The following CALN1 variants were observed in gnomAD, a reference collection of about 807,000 sequenced individuals.
CALN1 encodes the protein calcium-binding protein 8.
A neutral mutation model predicts 30.6 loss-of-function variants in CALN1; 17 were observed. The observed-to-expected ratio is 0.56, with a 90% confidence interval of 0.38 to 0.83. The LOEUF (loss-of-function observed/expected upper bound fraction) is 0.83. Among genes scored for constraint, CALN1 ranks in the 40% least tolerant of loss-of-function variants. The probability of loss-of-function intolerance (pLI) is 0.00; values close to 1 mark genes in which losing one functional copy is unlikely to be tolerated. For synonymous variants in CALN1, 156 were observed against 131.4 expected (o/e 1.19, Z -1.28); for missense variants, 291 against 354.9 (o/e 0.82, Z 1.45).
intron 2 of CALN1, among the ~76,000 whole-genome samples, chr7:72,359,761 G>T (rs1376562402): frequency 6.6e-6 from 1 of 151,844 alleles, no homozygotes; most frequent in Non-Finnish European, 1.5e-5. Flanking sequence ...GGATCACAAG[G>T]TCAGGAGTTC....
chr7:72,185,546 C>T (rs1287040979), intron 3 of CALN1, among the ~76,000 whole-genome samples: 1 of 152,148 alleles, frequency 6.6e-6, no homozygotes, highest in Non-Finnish European at 1.5e-5. Context: ...TGTCACCTTA[C>T]ATGACAAATG....
chr7:71,951,411 T>C (rs934992100), intron 5 of CALN1, among the ~76,000 whole-genome samples: 2 of 152,112 alleles, frequency 1.3e-5, no homozygotes, highest in African/African-American at 4.8e-5. Flanking sequence ...GCCAACATGG[T>C]GAAACCCCGT....
the CALN1 span, among the ~76,000 whole-genome samples, chr7:72,458,144 T>TTAATATATTTATATATA: frequency 7.4e-6 from 1 of 135,654 alleles, no homozygotes; most frequent in East Asian, 2.0e-4. Flanking sequence ...ATATATATAT[T>TTAATATATTTATATATA]TAATATATTT....
chr7:72,285,205 CT>C (rs1016675363), intron 2 of CALN1, among the ~76,000 whole-genome samples: 3 of 152,040 alleles, frequency 2.0e-5, no homozygotes, highest in Non-Finnish European at 4.4e-5. Flanking sequence ...ATTTTTGCTT[CT>C]TTTATTTTTC....
chr7:72,162,620 T>C (rs1453082362), intron 3 of CALN1, among the ~76,000 whole-genome samples: 1 of 151,886 alleles, frequency 6.6e-6, no homozygotes, highest in East Asian at 1.9e-4. Flanking sequence ...ATGCCTGTAA[T>C]CCTAGCTACT....
intron 5 of CALN1, among the ~76,000 whole-genome samples, chr7:71,981,247 C>T (rs745313052): frequency 1.3e-5 from 2 of 152,148 alleles, no homozygotes; most frequent in Non-Finnish European, 2.9e-5. Flanking sequence ...CCCCTGCCCC[C>T]CTTTCATCTG....
chr7:72,185,891 C>T (rs1332200555), intron 3 of CALN1, among the ~76,000 whole-genome samples: 2 of 152,214 alleles, frequency 1.3e-5, no homozygotes, highest in Non-Finnish European at 2.9e-5. Flanking sequence ...CCATGTGGAA[C>T]TGTAATTTCA....
chr7:71,851,981 C>T (rs895765630), intron 5 of CALN1, among the ~76,000 whole-genome samples: 1 of 151,962 alleles, frequency 6.6e-6, no homozygotes. Context: ...CTGCAGAACC[C>T]GAGGGACAGG....
chr7:72,336,230 G>C (rs1162266968), intron 2 of CALN1, among the ~76,000 whole-genome samples: 1 of 152,142 alleles, frequency 6.6e-6, no homozygotes, highest in Admixed American at 6.5e-5. Flanking sequence ...CCATGACTCC[G>C]GCTTCGCGAA....
intron 2 of CALN1, among the ~76,000 whole-genome samples, chr7:72,366,021 A>C (rs1803857915): frequency 6.6e-6 from 1 of 152,184 alleles, no homozygotes; most frequent in African/African-American, 2.4e-5. Context: ...CAATTGCATA[A>C]AGACATGTTT....
the CALN1 span, among the ~76,000 whole-genome samples, chr7:72,501,064 A>G: frequency 6.6e-6 from 1 of 152,134 alleles, no homozygotes; most frequent in Admixed American, 6.6e-5. Context: ...CCTAAAGACA[A>G]TTCTGTCTCT....
rs565452498 is a variant in CALN1 at position 72,313,539 on chromosome 7, C to G, written c.120-34729G>C. ...TCCAGAGTAGCTGGGACTATCGGTG[C>G]GTACCACCATGCCTGGCTCATTGTT... On this transcript the variant is annotated intron_variant, in intron 2 of 6. Coordinates refer to ENST00000395275, the MANE Select transcript of CALN1 (RefSeq NM_031468.4). Among the ~76,000 whole-genome samples the G allele has an allele frequency of 9.2e-5, 14 of 152,056 alleles. 1 individual carries two copies. The highest frequency in any genetic ancestry group is 2.6e-4 in the Admixed American group (4 of 15,270).
intron 3 of CALN1, among the ~76,000 whole-genome samples, chr7:72,124,977 T>C (rs548183846): frequency 6.1e-4 from 93 of 152,272 alleles, no homozygotes; most frequent in Non-Finnish European, 1.0e-3. Flanking sequence ...TTTTTACTAT[T>C]AATTTTCTAG....
At chr7:72,405,556 C>T (rs903311605) in intron 1 of CALN1, among the ~76,000 whole-genome samples, 14 of 152,158 alleles carry the variant, frequency 9.2e-5, no homozygotes, top group African/African-American at 3.1e-4. Context: ...CAGCACACAC[C>T]CGTACGCCGC....
At chr7:72,290,858 C>T (rs1798429407) in intron 2 of CALN1, among the ~76,000 whole-genome samples, 1 of 151,922 alleles carries the variant, frequency 6.6e-6, no homozygotes, top group Admixed American at 6.6e-5. Flanking sequence ...TTTATAAACA[C>T]ACCTCTTATT....
chr7:71,862,616 G>A (rs1055638806), intron 5 of CALN1, among the ~76,000 whole-genome samples: 2 of 152,134 alleles, frequency 1.3e-5, no homozygotes, highest in Non-Finnish European at 2.9e-5. Flanking sequence ...TTAGCAGCAT[G>A]AGAACAGTTT....
At chr7:72,465,536 C>T in the CALN1 span, among the ~76,000 whole-genome samples, 1 of 152,186 alleles carries the variant, frequency 6.6e-6, no homozygotes, top group Non-Finnish European at 1.5e-5. Context: ...CTGACTGCTG[C>T]AGCCAGGAGA....
chr7:71,842,177 G>T (rs2116504797), intron 5 of CALN1, among the ~76,000 whole-genome samples: 1 of 152,228 alleles, frequency 6.6e-6, no homozygotes, highest in South Asian at 2.1e-4. Flanking sequence ...TAAAAACAAA[G>T]TCTAGTCCCG....
intron 4 of CALN1, among the ~76,000 whole-genome samples, chr7:72,046,466 C>T (rs1318167771): frequency 6.6e-6 from 1 of 151,912 alleles, no homozygotes; most frequent in Non-Finnish European, 1.5e-5. Context: ...AATCCCAACA[C>T]TTTGGGAGGC....
Sources: allele counts gnomAD v4.1 joint callset (sites outside exome capture counted in the v4.1 genomes callset), GRCh38; gene constraint gnomAD v4.1.1; transcripts MANE v1.5; gene names NCBI Gene and HGNC (gene_info 2026-07-23, HGNC 2026-07-21).